PIGQ: variants seen among roughly 807,000 people sequenced by gnomAD.
PIGQ encodes phosphatidylinositol N-acetylglucosaminyltransferase subunit Q.
A neutral mutation model predicts 60.3 loss-of-function variants in PIGQ; 54 were observed. The observed-to-expected ratio is 0.90, with a 90% CI of 0.72 to 1.12. The LOEUF (loss-of-function observed/expected upper bound fraction) is 1.12. Among genes scored for constraint, PIGQ ranks in the 50% most tolerant of loss-of-function variants. The probability of loss-of-function intolerance (pLI) is 0.00; values close to 1 mark genes in which losing one functional copy is unlikely to be tolerated. For missense variants in PIGQ, 799 were observed against 793.5 expected (o/e 1.01, Z -0.08); for synonymous variants, 416 against 363.7 (o/e 1.14, Z -1.64).
rs753937383 is a variant in PIGQ at position 574,469 on chromosome 16, A to G, written c.395A>G (p.Asp132Gly). ...GACCAGGTCATGCTCATCTTCTATG[A>G]CCAGCGCCAGGTGTTGCTGTCACAG... The part of the protein sequence containing the change: ...GEDQVMLIFY[D>G]QRQVLLSQLH... The change falls in exon 2 of 11, where the codon GAC (aspartate) becomes GGC (glycine). Residue 132 changes from aspartate (D) to glycine (G), a missense_variant. Transcript: ENST00000321878. 1.2e-6 allele frequency: 2 copies of G among 1,610,424 alleles called. No homozygotes were observed. The highest frequency in any genetic ancestry group is 3.3e-5 in the Admixed American group (2 of 59,792).
chr16:581,566 G>A (rs571687734), intron 9 of PIGQ, among the ~76,000 whole-genome samples: 1 of 151,878 alleles, frequency 6.6e-6, no homozygotes, highest in South Asian at 2.1e-4. Flanking sequence ...GGGTTCAAGC[G>A]ATTCTCCTGC....
At position 578,411 on chromosome 16, in the gene PIGQ, G is replaced by A. The variant is rs2151047037; in HGVS notation, c.975G>A (p.Gln325=). The A allele has an allele frequency of 6.2e-7, 1 of 1,612,080 alleles. No individual in the cohort carries two copies. The highest frequency in any genetic ancestry group is 8.5e-7 in the Non-Finnish European group (1 of 1,179,814). Residue 325 remains glutamine, a synonymous_variant, in exon 5 of 11, where the codon CAG becomes CAA. Transcript: ENST00000321878. ...CCGAGGAGCTCCAGCATCTGCTGCA[G>A]TGGCTGATGGGTGCTCCCGCCGGGC... is the stretch of plus-strand genomic sequence containing the variant. ...HVAEELQHLL[Q]WLMGAPAGLK... is the part of the protein sequence containing the mutation.
rs991425976 is a variant in PIGQ at position 582,876 on chromosome 16, C to T, written c.1594-7C>T. The T allele has an allele frequency of 6.3e-7, 1 of 1,592,308 alleles. No homozygotes were observed. The highest frequency in any genetic ancestry group is 8.6e-7 in the Non-Finnish European group (1 of 1,166,590). On this transcript the variant is annotated splice_polypyrimidine_tract_variant and splice_region_variant and intron_variant, in intron 10 of 10. Coordinates refer to ENST00000321878, the MANE Select transcript of PIGQ (RefSeq NM_004204.5). ...CACCCCACTGACCGCTGCCCTTGTC[C>T]TTCCAGATAAACCCACTGCCCTACA...
chr16:573,685 G>A (rs550167035), intron 1 of PIGQ, among the ~76,000 whole-genome samples: 2 of 152,306 alleles, frequency 1.3e-5, no homozygotes, highest in East Asian at 3.9e-4. Flanking sequence ...TCTCTAATCA[G>A]GTTTCTTAAA....
chr16:580,102 G>T, intron 7 of PIGQ, 81 bp from the exon 8 acceptor site: 1 of 1,078,338 alleles, frequency 9.3e-7, no homozygotes, highest in Non-Finnish European at 1.3e-6. Context: ...CTGCAGCTCC[G>T]GGATGGGGGA....
Position 578,785 on chromosome 16 carries a change from G to A in PIGQ, c.1070G>A (p.Ser357Asn). ...FFLYHIHLWI[S>N]YIHLMSPFVE... ...CTGAGGGCCTACCCCACCCTGCCAG[G>A]CTACATCCACCTCATGTCCCCCTTC... The change falls in exon 6 of 11, where the codon AGC (serine) becomes AAC (asparagine). Residue 357 changes from serine to asparagine, a missense_variant and splice_region_variant. Coordinates refer to ENST00000321878, the MANE Select transcript of PIGQ (RefSeq NM_004204.5). 1 of 1,613,142 alleles carries A rather than the reference G, an allele frequency of 6.2e-7. No homozygotes were observed. The highest frequency in any genetic ancestry group is 1.1e-5 in the South Asian group (1 of 91,062).
chr16:583,703 G>A lies in PIGQ; in HGVS notation c.*668G>A, dbSNP rs768173675. On this transcript the variant is annotated 3_prime_UTR_variant, in exon 11 of 11. Coordinates refer to ENST00000321878, the MANE Select transcript of PIGQ (RefSeq NM_004204.5). Reference sequence around the variant, plus strand: ...GGCGGGAGCAGCCTCAGTGTCAAGGGCCCGCCCACTGACCCAGCCGTACCT... The same window carrying A: ...GGCGGGAGCAGCCTCAGTGTCAAGGACCCGCCCACTGACCCAGCCGTACCT... 3 of 1,550,130 alleles carry A rather than the reference G, an allele frequency of 1.9e-6. No individual in the cohort carries two copies. The highest frequency in any genetic ancestry group is 1.8e-6 in the Non-Finnish European group (2 of 1,130,298).
chr16:575,983 C>T lies in PIGQ; in HGVS notation c.821+13C>T, dbSNP rs1477469766. On this transcript the variant is annotated intron_variant, in intron 3 of 10. Transcript: ENST00000321878. Reference sequence around the variant, plus strand: ...CCCAGCTGATGAGGTGTGGGCCTGCCCTGGTCTCTGCAGGGCTGGGTGCGT... The same window carrying T: ...CCCAGCTGATGAGGTGTGGGCCTGCTCTGGTCTCTGCAGGGCTGGGTGCGT... The T allele has an allele frequency of 1.9e-6, 3 of 1,577,634 alleles. No individual in the cohort carries two copies. The highest frequency in any genetic ancestry group is 2.6e-6 in the Non-Finnish European group (3 of 1,162,108).
At chr16:571,038 CGTGTGTGTGTGTGTGTGTGTGTGTGTGT>C (rs1176149269) in intron 1 of PIGQ, among the ~76,000 whole-genome samples, 8 of 85,128 alleles carry the variant, frequency 9.4e-5, no homozygotes, top group African/African-American at 1.7e-4. Flanking sequence ...GCCTGGCGCC[CGTGTGTGTGTGTGTGTGTGTGTGTGTGT>C]GTGTGTGTGT....
chr16:572,635 T>A (rs184846330), intron 1 of PIGQ: 2 of 447,956 alleles, frequency 4.5e-6, no homozygotes, highest in African/African-American at 2.1e-5. Context: ...CGTGGTGGGC[T>A]CTGAGACCTC....
Position 583,288 on chromosome 16 carries a change from G to A in PIGQ, c.*253G>A. 3 of 1,612,904 alleles carry A rather than the reference G, an allele frequency of 1.9e-6. No individual in the cohort carries two copies. The highest frequency in any genetic ancestry group is 2.5e-6 in the Non-Finnish European group (3 of 1,179,966). ...CCTTGGGACCCGCTTCCCACCTGCT[G>A]CGGTCACCATGGTGGCGAGCACAGC... On this transcript the variant is annotated 3_prime_UTR_variant, in exon 11 of 11. Transcript: ENST00000321878.
intron 10 of PIGQ, chr16:582,578 G>A (rs2035831029): frequency 7.0e-6 from 4 of 567,752 alleles, no homozygotes; most frequent in Non-Finnish European, 1.2e-5. Flanking sequence ...GGGCCCCACA[G>A]GGCTCAAGTT....
At chr16:579,217 C>T (rs984702285) in intron 7 of PIGQ, 37 bp downstream of exon 7, 1 of 1,548,148 alleles carries the variant, frequency 6.5e-7, no homozygotes, top group South Asian at 1.1e-5. Flanking sequence ...GGGCTGACTG[C>T]CTCCGGCCTG....
rs553494816 is a variant in PIGQ at position 576,119 on chromosome 16, G to A, written c.822-15G>A. 24 of 1,546,866 alleles carry A rather than the reference G, an allele frequency of 1.6e-5. No homozygotes were observed. The highest frequency in any genetic ancestry group is 1.5e-4 in the South Asian group (13 of 84,032). The stretch of plus-strand genomic sequence containing the variant: ...TGGCCACCCTCATGCCGGCCGGGCC[G>A]GACCTCCCTTCCAGGAAGGCCAACA... On this transcript the variant is annotated splice_polypyrimidine_tract_variant and intron_variant, in intron 3 of 10. Transcript: ENST00000321878.
At chr16:571,177 G>A (rs568968141) in intron 1 of PIGQ, among the ~76,000 whole-genome samples, 1 of 106,718 alleles carries the variant, frequency 9.4e-6, no homozygotes, top group African/African-American at 3.7e-5. Flanking sequence ...CTAGCCTGGC[G>A]CCCGTGTGTG....
At chr16:579,014 G>A in intron 6 of PIGQ, 55 bp from the exon 7 acceptor site, 2 of 1,523,638 alleles carry the variant, frequency 1.3e-6, no homozygotes, top group Admixed American at 1.9e-5. Flanking sequence ...TTCGAGTGGG[G>A]CGGGGGCGGG....
intron 8 of PIGQ, 173 bp downstream of exon 8, chr16:580,436 T>G: frequency 1.7e-6 from 1 of 572,086 alleles, no homozygotes; most frequent in Admixed American, 3.0e-5. Context: ...GGCGAGGCCC[T>G]ATCCTGGCCA....
chr16:575,834 C>G lies in PIGQ; in HGVS notation c.690-5C>G. 1.3e-6 allele frequency: 2 copies of G among 1,559,866 alleles called. No individual in the cohort carries two copies. Among genetic ancestry groups the G allele is most frequent in the Non-Finnish European group, 1.7e-6 (2 of 1,151,938 alleles). On this transcript the variant is annotated splice_polypyrimidine_tract_variant and splice_region_variant and intron_variant, in intron 2 of 10. Coordinates refer to ENST00000321878, the MANE Select transcript of PIGQ (RefSeq NM_004204.5). The stretch of plus-strand genomic sequence containing the variant: ...GACACATCACTCCTCTCCACTCCCA[C>G]GCAGAGTGTTCAAGCTCTGGCCCCT...
intron 1 of PIGQ, among the ~76,000 whole-genome samples, chr16:573,014 A>T (rs1012549532): frequency 6.6e-6 from 1 of 152,234 alleles, no homozygotes; most frequent in Admixed American, 6.5e-5. Flanking sequence ...CCAGCCGGCC[A>T]GTAGTGCCCC....
Sources: allele counts gnomAD v4.1 joint callset (sites outside exome capture counted in the v4.1 genomes callset), GRCh38; gene constraint gnomAD v4.1.1; transcripts MANE v1.5; gene names NCBI Gene and HGNC (gene_info 2026-07-23, HGNC 2026-07-21).